CDH11: variants seen among roughly 807,000 people sequenced by gnomAD.
The protein encoded by CDH11 is cadherin-11.
In CDH11, 11 loss-of-function variants were observed where a neutral mutation model predicts 67.8. The observed-to-expected ratio is 0.16, with a 90% CI of 0.10 to 0.27. The LOEUF is 0.27. Among genes scored for constraint, CDH11 ranks in the 10% least tolerant of loss-of-function variants. The pLI, the probability that CDH11 is intolerant of heterozygous loss-of-function variation, is 1.00. For synonymous variants in CDH11, 419 were observed against 400.0 expected (o/e 1.05, Z -0.57); for missense variants, 847 against 1,031.2 (o/e 0.82, Z 2.45).
At chr16:64,989,243 G>T (rs1597059713) in intron 6 of CDH11, among the ~76,000 whole-genome samples, 1 of 151,994 alleles carries the variant, frequency 6.6e-6, no homozygotes, top group African/African-American at 2.4e-5. Context: ...GGGGGTAAAT[G>T]TGTGAGTGGC....
At chr16:65,038,512 T>C (rs1379365457) in intron 2 of CDH11, among the ~76,000 whole-genome samples, 1 of 152,144 alleles carries the variant, frequency 6.6e-6, no homozygotes, top group African/African-American at 2.4e-5. Flanking sequence ...CAACTTACAA[T>C]AGAAATGTGT....
At chr16:65,091,539 T>C (rs999444760) in intron 1 of CDH11, among the ~76,000 whole-genome samples, 2 of 151,610 alleles carry the variant, frequency 1.3e-5, no homozygotes, top group Non-Finnish European at 2.9e-5. Context: ...CTTTCCTCTA[T>C]AGATTAGGCC....
intron 1 of CDH11, among the ~76,000 whole-genome samples, chr16:65,110,802 C>T (rs2075143996): frequency 6.6e-6 from 1 of 152,072 alleles, no homozygotes; most frequent in African/African-American, 2.4e-5. Flanking sequence ...CTCTCTTCCT[C>T]CTATAAAGGT....
rs559840632 is a variant in CDH11 at position 65,044,844 on chromosome 16, T to C, written c.-173+8960A>G. Among the ~76,000 whole-genome samples, 3 of 152,166 alleles carry C rather than the reference T, an allele frequency of 2.0e-5. No homozygotes were observed. The East Asian group carries it at 5.8e-4, about 30-fold the overall frequency. ...GAGAGGGACTGCAAGCTTCTGAAGC[T>C]TGGGTTTTATACTGAAGCAACTTGA... On this transcript the variant is annotated intron_variant, in intron 2 of 12. Transcript: ENST00000268603.
intron 1 of CDH11, among the ~76,000 whole-genome samples, chr16:65,073,474 G>A (rs564324645): frequency 1.3e-5 from 2 of 152,154 alleles, no homozygotes; most frequent in Admixed American, 6.5e-5. Context: ...TAGAGATGGG[G>A]TTTCACCATG....
chr16:65,032,843 T>C (rs2073671893), intron 2 of CDH11, among the ~76,000 whole-genome samples: 1 of 152,148 alleles, frequency 6.6e-6, no homozygotes, highest in Non-Finnish European at 1.5e-5. Flanking sequence ...ATCAAGTTTT[T>C]ACAAAATCAT....
intron 2 of CDH11, among the ~76,000 whole-genome samples, chr16:65,046,138 T>C (rs1204337280): frequency 3.9e-5 from 6 of 152,212 alleles, no homozygotes; most frequent in African/African-American, 1.4e-4. Context: ...GCTCAGGCGC[T>C]TTGATCTTTC....
chr16:65,090,477 G>T (rs6416689), intron 1 of CDH11, among the ~76,000 whole-genome samples: 128,363 of 152,016 alleles, frequency 0.84, 54,375 homozygotes, highest in East Asian at 1. Flanking sequence ...TCTGCATCTT[G>T]ATGATGCCTA....
intron 6 of CDH11, 172 bp downstream of exon 6, chr16:64,991,596 T>C: frequency 3.8e-6 from 2 of 528,216 alleles, no homozygotes; most frequent in Admixed American, 3.0e-5. Context: ...CCCGACATTG[T>C]TGTTGTTGTT....
intron 8 of CDH11, among the ~76,000 whole-genome samples, chr16:64,975,925 C>T (rs1045645023): frequency 3.3e-5 from 5 of 152,066 alleles, no homozygotes; most frequent in East Asian, 3.9e-4. Flanking sequence ...GAAAGGTTGA[C>T]ATTTAATTAA....
intron 2 of CDH11, among the ~76,000 whole-genome samples, chr16:65,051,978 T>G (rs1220934939): frequency 1.3e-5 from 2 of 152,178 alleles, no homozygotes; most frequent in African/African-American, 4.8e-5. Context: ...TATAAAATGT[T>G]GGATATTAAT....
chr16:64,980,728 TA>T, intron 8 of CDH11, among the ~76,000 whole-genome samples: 1 of 152,156 alleles, frequency 6.6e-6, no homozygotes. Flanking sequence ...TCTTGTGTTT[TA>T]ACTAAGGTAA....
rs113613069 is a variant in CDH11, at chr16:64,971,940, A to G, written c.1515T>C (p.Leu505=). 1.4e-5 allele frequency: 23 copies of G among 1,613,958 alleles called. No homozygotes were observed. The African/African-American group carries it at 1.9e-4, about 13-fold the overall frequency. Residue 505 remains leucine (L), a synonymous_variant, in exon 10 of 13, where the codon CTT becomes CTC. Coordinates refer to ENST00000268603, the MANE Select transcript of CDH11 (RefSeq NM_001797.4). The part of the protein sequence containing the change: ...FICESDQTKP[L]SNQPIVTISA... ...GGGAAAGCAGGATTACCTGGTTGGA[A>G]AGTGGCTTGGTCTGATCACTCTCAC... is the stretch of plus-strand genomic sequence containing the variant.
intron 1 of CDH11, among the ~76,000 whole-genome samples, chr16:65,101,153 T>G (rs565579007): frequency 6.6e-6 from 1 of 152,314 alleles, no homozygotes; most frequent in South Asian, 2.1e-4. Flanking sequence ...TTCCAACCAC[T>G]TACACAAACT....
chr16:65,000,879 A>G (rs958615124), intron 3 of CDH11, among the ~76,000 whole-genome samples: 1 of 151,914 alleles, frequency 6.6e-6, no homozygotes, highest in Non-Finnish European at 1.5e-5. Flanking sequence ...ATTTAATATT[A>G]ACAATATTAA....
chr16:65,039,128 C>T lies in CDH11; in HGVS notation c.-173+14676G>A, dbSNP rs531195388. On this transcript the variant is annotated intron_variant, in intron 2 of 12. Transcript: ENST00000268603. The stretch of plus-strand genomic sequence containing the variant: ...ATGAACTGATTTAACTCTTGGTTTT[C>T]GCCTCTGTAGAATGCGCACTTGCCT... Among the ~76,000 whole-genome samples, 57 of 152,288 alleles carry T rather than the reference C, an allele frequency of 3.7e-4. No homozygotes were observed. The South Asian group carries it at 9.3e-3, about 25-fold the overall frequency.
intron 3 of CDH11, among the ~76,000 whole-genome samples, chr16:65,002,870 T>A (rs562249468): frequency 1.3e-5 from 2 of 152,272 alleles, no homozygotes; most frequent in African/African-American, 4.8e-5. Flanking sequence ...TATTACCATG[T>A]AAATTCATAA....
At chr16:65,066,618 C>G (rs2074317410) in intron 1 of CDH11, among the ~76,000 whole-genome samples, 2 of 152,222 alleles carry the variant, frequency 1.3e-5, no homozygotes, top group Non-Finnish European at 2.9e-5. Context: ...ATGTGGCCAG[C>G]ACATAGCTGA....
rs1210973446 is a variant in CDH11, at chr16:64,992,925, T to C, written c.633A>G (p.Glu211=). The part of the protein sequence containing the change: ...ILEGQPYFSV[E]AQTGIIRTAL... ...GACATTCCACAGTACCTGTCTGTGCTTCCACCGAAAAATAGGGTTGTCCTT... is the reference window on the plus strand; with the variant it reads ...GACATTCCACAGTACCTGTCTGTGCCTCCACCGAAAAATAGGGTTGTCCTT... Residue 211 remains glutamate (E), a synonymous_variant, in exon 5 of 13, where the codon GAA becomes GAG. Coordinates refer to ENST00000268603, the MANE Select transcript of CDH11 (RefSeq NM_001797.4). The C allele has an allele frequency of 6.2e-7, 1 of 1,613,692 alleles. No individual in the cohort carries two copies. The highest frequency in any genetic ancestry group is 1.1e-5 in the South Asian group (1 of 91,060).
Sources: allele counts gnomAD v4.1 joint callset (sites outside exome capture counted in the v4.1 genomes callset), GRCh38; gene constraint gnomAD v4.1.1; transcripts MANE v1.5; gene names NCBI Gene and HGNC (gene_info 2026-07-23, HGNC 2026-07-21).